TMEM132D: variants seen among roughly 807,000 people sequenced by gnomAD.
TMEM132D encodes mature OL transmembrane protein.
Under a neutral mutation model 62.3 loss-of-function variants are expected in TMEM132D, and 21 were observed. The observed-to-expected ratio is 0.34, with a 90% CI of 0.24 to 0.49. The LOEUF (loss-of-function observed/expected upper bound fraction) is 0.49, where lower values mean the gene tolerates loss of function less well. Among genes scored for constraint, TMEM132D ranks in the 20% least tolerant of loss-of-function variants. TMEM132D has a pLI of 0.99. For missense variants in TMEM132D, 1,346 were observed against 1,402.8 expected, an observed-to-expected ratio of 0.96 and a Z score of 0.65; for synonymous variants, 621 against 575.6, an observed-to-expected ratio of 1.08 and a Z score of -1.13.
chr12:129,851,544 T>A (rs543452418), intron 1 of TMEM132D, among the ~76,000 whole-genome samples: 2 of 152,322 alleles, frequency 1.3e-5, no homozygotes, highest in African/African-American at 2.4e-5. Context: ...TACTGCAGCA[T>A]GATTTGTAAT....
chr12:129,507,448 G>A (rs1875368058), intron 3 of TMEM132D, among the ~76,000 whole-genome samples: 1 of 152,192 alleles, frequency 6.6e-6, no homozygotes, highest in Non-Finnish European at 1.5e-5. Flanking sequence ...TTGCAAAAAT[G>A]TGGAACCAAC....
intron 1 of TMEM132D, among the ~76,000 whole-genome samples, chr12:129,753,655 A>C (rs142954612): frequency 2.6e-4 from 40 of 152,322 alleles, no homozygotes; most frequent in African/African-American, 7.5e-4. Flanking sequence ...GATATTCAGC[A>C]AGTACTGGAA....
At chr12:129,467,287 C>G (rs1873940507) in intron 3 of TMEM132D, among the ~76,000 whole-genome samples, 1 of 152,090 alleles carries the variant, frequency 6.6e-6, no homozygotes, top group South Asian at 2.1e-4. Flanking sequence ...ATCATCAGGA[C>G]ATATTCTTGG....
chr12:129,572,621 G>C (rs1465213520), intron 2 of TMEM132D, among the ~76,000 whole-genome samples: 3 of 152,180 alleles, frequency 2.0e-5, no homozygotes, highest in Admixed American at 2.0e-4. Flanking sequence ...AGCTAATTTT[G>C]TATTTCTAGT....
At chr12:129,333,018 A>T (rs1869159686) in intron 4 of TMEM132D, among the ~76,000 whole-genome samples, 1 of 152,192 alleles carries the variant, frequency 6.6e-6, no homozygotes, top group Non-Finnish European at 1.5e-5. Flanking sequence ...ATGTTATATG[A>T]CTTCTACCAT....
chr12:129,117,311 T>A (rs1397949668), intron 5 of TMEM132D, among the ~76,000 whole-genome samples: 3 of 152,098 alleles, frequency 2.0e-5, no homozygotes, highest in Non-Finnish European at 4.4e-5. Context: ...AAGAGGGGAT[T>A]TCTAGGGCAG....
chr12:129,561,451 G>C (rs978885785), intron 2 of TMEM132D, among the ~76,000 whole-genome samples: 1 of 152,092 alleles, frequency 6.6e-6, no homozygotes, highest in Non-Finnish European at 1.5e-5. Context: ...TCATAGCAGA[G>C]GGCTCAGAGT....
At chr12:129,281,508 C>A (rs1332477619) in intron 4 of TMEM132D, among the ~76,000 whole-genome samples, 3 of 151,650 alleles carry the variant, frequency 2.0e-5, no homozygotes, top group Non-Finnish European at 4.4e-5. Flanking sequence ...CTTGACATCC[C>A]AGAGGCTTGT....
At chr12:129,306,349 C>A (rs1261511607) in intron 4 of TMEM132D, among the ~76,000 whole-genome samples, 2 of 152,136 alleles carry the variant, frequency 1.3e-5, no homozygotes. Flanking sequence ...AGTTGGATAG[C>A]TAAAAAGAGG....
At chr12:129,296,218 G>C (rs984158974) in intron 4 of TMEM132D, among the ~76,000 whole-genome samples, 2 of 152,132 alleles carry the variant, frequency 1.3e-5, no homozygotes, top group Non-Finnish European at 2.9e-5. Flanking sequence ...TGCTTCACTA[G>C]CTTGAACAAC....
At chr12:129,159,692 T>G (rs1593280490) in intron 5 of TMEM132D, among the ~76,000 whole-genome samples, 1 of 131,938 alleles carries the variant, frequency 7.6e-6, no homozygotes. Context: ...ACCTGGGAGG[T>G]GGAGGTTGCA....
intron 4 of TMEM132D, among the ~76,000 whole-genome samples, chr12:129,245,829 G>T (rs1880086642): frequency 6.6e-6 from 1 of 152,116 alleles, no homozygotes; most frequent in African/African-American, 2.4e-5. Flanking sequence ...TGTTTTGTTT[G>T]GTCAGCCTGG....
chr12:129,134,127 T>TG (rs1876474075), intron 5 of TMEM132D, among the ~76,000 whole-genome samples: 1 of 142,816 alleles, frequency 7.0e-6, no homozygotes, highest in South Asian at 2.2e-4. Flanking sequence ...TGTGTGTGTG[T>TG]GTGTGTCTGT....
At chr12:129,295,389 C>T (rs113167032) in intron 4 of TMEM132D, among the ~76,000 whole-genome samples, 149 of 151,106 alleles carry the variant, frequency 9.9e-4, no homozygotes, top group African/African-American at 3.4e-3. Flanking sequence ...ACTCGTGCTG[C>T]AGATTTTGGA....
intron 3 of TMEM132D, among the ~76,000 whole-genome samples, chr12:129,449,088 C>G (rs146754980): frequency 1.3e-5 from 2 of 151,992 alleles, no homozygotes; most frequent in Admixed American, 1.3e-4. Context: ...TTTTATCTTC[C>G]GGATAAAGTG....
chr12:129,492,472 C>T (rs957874798), intron 3 of TMEM132D, among the ~76,000 whole-genome samples: 4 of 152,186 alleles, frequency 2.6e-5, no homozygotes, highest in Non-Finnish European at 5.9e-5. Flanking sequence ...ACACTAATAG[C>T]ATGACAATTG....
At chr12:129,086,471 T>C (rs1874625760) in intron 5 of TMEM132D, among the ~76,000 whole-genome samples, 1 of 152,130 alleles carries the variant, frequency 6.6e-6, no homozygotes, top group Non-Finnish European at 1.5e-5. Context: ...TGTATTTAGC[T>C]CCCACTTATA....
intron 3 of TMEM132D, among the ~76,000 whole-genome samples, chr12:129,449,376 A>G (rs909050008): frequency 6.6e-5 from 10 of 152,214 alleles, no homozygotes; most frequent in Non-Finnish European, 1.5e-4. Flanking sequence ...TGAGTAACCA[A>G]CCAGCTCAGC....
intron 1 of TMEM132D, among the ~76,000 whole-genome samples, chr12:129,747,582 ACG>A (rs1028777253): frequency 1.3e-5 from 2 of 149,320 alleles, no homozygotes; most frequent in Admixed American, 6.7e-5. Flanking sequence ...ACACACACAC[ACG>A]CGCTCACATG....
Sources: gnomAD v4.1 joint callset for allele counts (sites outside exome capture counted in the v4.1 genomes callset) on GRCh38, gnomAD v4.1.1 for gene constraint, MANE v1.5 for transcripts, NCBI Gene and HGNC (gene_info 2026-07-23, HGNC 2026-07-21) for gene names.